Variants in POF1B observed in about 807,000 individuals in gnomAD.
POF1B encodes the protein protein POF1B.
Under a neutral mutation model 55.3 loss-of-function variants are expected in POF1B, and 53 were observed. That is an observed-to-expected ratio of 0.96 (90% CI 0.77 to 1.20). The LOEUF is 1.20. POF1B is among the 50% of genes most tolerant of loss of function. The pLI is 0.00. For synonymous variants in POF1B, 188 were observed against 148.3 expected, an observed-to-expected ratio of 1.27 and a Z score of -1.95; for missense variants, 478 against 420.5, an observed-to-expected ratio of 1.14 and a Z score of -1.20.
chrX:85,359,696 T>C (rs1050551427), intron 3 of POF1B, 66 bp from the exon 4 acceptor site: 8 of 737,459 alleles, frequency 1.1e-5, no homozygotes, highest in Non-Finnish European at 1.4e-5. Context: ...CTATCAATAA[T>C]AATAGGGAAC....
intron 15 of POF1B, among the ~76,000 whole-genome samples, chrX:85,288,813 C>G (rs1451568924): frequency 1.8e-5 from 2 of 111,486 alleles, no homozygotes; most frequent in African/African-American, 6.5e-5. Flanking sequence ...CTGAGGCCTC[C>G]CCAGCTATGT....
intron 7 of POF1B, among the ~76,000 whole-genome samples, chrX:85,321,059 AG>A (rs1462765307): frequency 5.4e-5 from 6 of 111,958 alleles, no homozygotes; most frequent in African/African-American, 1.9e-4. Flanking sequence ...TCCAATCAAT[AG>A]AAAAAGAGGG....
chrX:85,368,140 T>A (rs1322397676), intron 2 of POF1B, among the ~76,000 whole-genome samples: 1 of 112,207 alleles, frequency 8.9e-6, no homozygotes, highest in African/African-American at 3.2e-5. Context: ...ATTTCTTTTT[T>A]AAAATTCTTA....
rs201081257 is a variant in POF1B at position 85,370,961 on chromosome X, A to AT, written c.283-3196dup. Among the ~76,000 whole-genome samples the AT allele has an allele frequency of 9.4e-3, 1,049 of 111,836 alleles. 16 individuals carry two copies. The highest frequency in any genetic ancestry group is 0.032 in the African/African-American group (998 of 30,792). On this transcript the variant is annotated intron_variant, in intron 2 of 16. Coordinates refer to ENST00000262753, the MANE Select transcript of POF1B (RefSeq NM_024921.4). The stretch of plus-strand genomic sequence containing the variant: ...AACTATTAAATTCAATGAACAGTCA[A>AT]TGTTTTTGTTTTTATGCCTTTTGTG...
At chrX:85,342,010 T>C (rs1933181947) in intron 6 of POF1B, among the ~76,000 whole-genome samples, 1 of 111,451 alleles carries the variant, frequency 9.0e-6, no homozygotes, top group African/African-American at 3.3e-5. Flanking sequence ...CTTATTTGAA[T>C]ATTTCTTACA....
At chrX:85,334,662 C>A (rs1373610766) in intron 6 of POF1B, among the ~76,000 whole-genome samples, 2 of 110,942 alleles carry the variant, frequency 1.8e-5, no homozygotes, top group Non-Finnish European at 3.8e-5. Flanking sequence ...TGTCCATTTT[C>A]TGGGAAAATC....
At chrX:85,372,123 T>C (rs1367843741) in intron 2 of POF1B, among the ~76,000 whole-genome samples, 2 of 110,659 alleles carry the variant, frequency 1.8e-5, no homozygotes, top group Non-Finnish European at 3.8e-5. Flanking sequence ...GGTGGGCGGA[T>C]CACGAGGTCA....
At chrX:85,286,404 T>G (rs1932056016) in intron 15 of POF1B, among the ~76,000 whole-genome samples, 1 of 111,039 alleles carries the variant, frequency 9.0e-6, no homozygotes, top group African/African-American at 3.3e-5. Context: ...AAATGTGAGG[T>G]AAATAGAAAA....
rs763628143 is a variant in POF1B, at chrX:85,351,350, C to G, written c.540G>C (p.Gln180His). The part of the protein sequence containing the change: ...IRKVEKLNTD[Q>H]GCHPQAQCHH... ...AGTTTTAAAACAAAATATTACTTAC[C>G]TGATCAGTATTTAGCTTCTCCACTT... Residue 180 changes from glutamine (Q) to histidine (H), a missense_variant and splice_region_variant, in exon 5 of 17, where the codon CAG becomes CAC. Gln to His is a conservative substitution (Grantham distance 24). Coordinates refer to ENST00000262753, the MANE Select transcript of POF1B (RefSeq NM_024921.4). 6 of 1,139,832 alleles carry G rather than the reference C, an allele frequency of 5.3e-6. No individual in the cohort carries two copies. The highest frequency in any genetic ancestry group is 3.0e-5 in the East Asian group (1 of 32,844). The allele number at this position is 1,139,832 out of a possible 1,213,427, so 93.9% of individuals were successfully genotyped here. A position where few individuals can be genotyped will look rare whatever the true frequency, so the allele number is the denominator to read the frequency against.
chrX:85,293,729 T>G (rs1603025523), intron 15 of POF1B, among the ~76,000 whole-genome samples: 1 of 111,790 alleles, frequency 8.9e-6, no homozygotes, highest in African/African-American at 3.2e-5. Context: ...ATCCCAGCAC[T>G]TTGGGAGGCC....
At chrX:85,304,552 C>T (rs1932529629) in intron 13 of POF1B, 81 bp from the exon 14 acceptor site, 6 of 502,315 alleles carry the variant, frequency 1.2e-5, no homozygotes, top group Non-Finnish European at 1.7e-5. Flanking sequence ...GGTTAAGTGA[C>T]ACAAACTCAC....
At chrX:85,369,247 A>G (rs996102939) in intron 2 of POF1B, among the ~76,000 whole-genome samples, 2 of 111,764 alleles carry the variant, frequency 1.8e-5, no homozygotes, top group African/African-American at 6.5e-5. Context: ...TAGACAAAAC[A>G]GGTACACATT....
intron 3 of POF1B, among the ~76,000 whole-genome samples, chrX:85,360,658 A>C (rs1447620483): frequency 9.5e-6 from 1 of 105,237 alleles, no homozygotes; most frequent in Non-Finnish European, 1.9e-5. Context: ...ATTCATGTAC[A>C]TGTGTCTTTA....
At chrX:85,287,631 G>T (rs760481622) in intron 15 of POF1B, among the ~76,000 whole-genome samples, 2 of 110,934 alleles carry the variant, frequency 1.8e-5, no homozygotes, top group African/African-American at 3.3e-5. Context: ...TCCAGTCCAG[G>T]ATGACTTTAC....
At chrX:85,287,046 A>G (rs1451628438) in intron 15 of POF1B, among the ~76,000 whole-genome samples, 1 of 111,846 alleles carries the variant, frequency 8.9e-6, no homozygotes, top group Non-Finnish European at 1.9e-5. Flanking sequence ...AATATTTTGA[A>G]CTGAATGCAA....
chrX:85,357,620 C>A (rs1466704315), intron 4 of POF1B, among the ~76,000 whole-genome samples: 1 of 110,809 alleles, frequency 9.0e-6, no homozygotes, highest in African/African-American at 3.3e-5. Flanking sequence ...GACGGTTGAC[C>A]ACCCCATGTT....
chrX:85,361,571 G>A (rs1262162356), intron 3 of POF1B, among the ~76,000 whole-genome samples: 6 of 111,178 alleles, frequency 5.4e-5, no homozygotes, highest in Admixed American at 9.6e-5. Flanking sequence ...TGGTCTATGT[G>A]TCTGTTCTTG....
chrX:85,318,200 T>G (rs943451527), intron 7 of POF1B, among the ~76,000 whole-genome samples: 1 of 111,824 alleles, frequency 8.9e-6, no homozygotes. Context: ...AACAAGCCTG[T>G]ACTTGTAATC....
At chrX:85,299,800 G>A (rs1457579023) in intron 15 of POF1B, among the ~76,000 whole-genome samples, 4 of 112,161 alleles carry the variant, frequency 3.6e-5, no homozygotes, top group Non-Finnish European at 3.8e-5. Context: ...GAGCCACCGC[G>A]CCCGACCCTT....
Sources: allele counts gnomAD v4.1 joint callset (sites outside exome capture counted in the v4.1 genomes callset), GRCh38; gene constraint gnomAD v4.1.1; transcripts MANE v1.5; gene names NCBI Gene and HGNC (gene_info 2026-07-23, HGNC 2026-07-21).